Variants in PRDM16 observed in about 807,000 individuals in gnomAD.
PRDM16 encodes histone-lysine N-methyltransferase PRDM16.
In PRDM16, 23 loss-of-function variants were observed where a neutral mutation model predicts 110.6. The observed-to-expected ratio is 0.21, with a 90% CI of 0.15 to 0.29. PRDM16 has a LOEUF of 0.29. PRDM16 is among the 10% of genes least tolerant of loss of function. The probability of loss-of-function intolerance (pLI) is 1.00; values close to 1 mark genes in which losing one functional copy is unlikely to be tolerated. For missense variants in PRDM16, 1,615 were observed against 1,794.3 expected (o/e 0.90, Z 1.81); for synonymous variants, 799 against 781.8 (o/e 1.02, Z -0.37).
chr1:3,192,084 C>T (rs1256760806), intron 2 of PRDM16, among the ~76,000 whole-genome samples: 1 of 152,162 alleles, frequency 6.6e-6, no homozygotes, highest in Non-Finnish European at 1.5e-5. Flanking sequence ...GTCCCTTCTC[C>T]CTTCCTCCTG....
intron 3 of PRDM16, among the ~76,000 whole-genome samples, chr1:3,289,132 C>T (rs140579127): frequency 1.6e-3 from 237 of 152,318 alleles, no homozygotes; most frequent in Non-Finnish European, 2.6e-3. Flanking sequence ...GTCGCCCGGC[C>T]CCTGCTACAG....
intron 3 of PRDM16, among the ~76,000 whole-genome samples, chr1:3,283,896 G>C (rs1303725147): frequency 6.6e-6 from 1 of 152,272 alleles, no homozygotes; most frequent in Non-Finnish European, 1.5e-5. Flanking sequence ...CAGGAGCCCA[G>C]GTGCCTCCGC....
chr1:3,155,693 T>C (rs1643850073), intron 1 of PRDM16, among the ~76,000 whole-genome samples: 1 of 152,222 alleles, frequency 6.6e-6, no homozygotes, highest in Non-Finnish European at 1.5e-5. Flanking sequence ...CTTTGCAAAA[T>C]GTGCTTGCGT....
chr1:3,264,704 G>C (rs1640248168), intron 3 of PRDM16, among the ~76,000 whole-genome samples: 1 of 151,902 alleles, frequency 6.6e-6, no homozygotes, highest in Non-Finnish European at 1.5e-5. Context: ...GGAGGCAGGG[G>C]AGGGGCGTGG....
intron 1 of PRDM16, among the ~76,000 whole-genome samples, chr1:3,172,178 C>A (rs2651936): frequency 1.3e-5 from 2 of 151,982 alleles, no homozygotes; most frequent in Non-Finnish European, 2.9e-5. Context: ...GCAGGGCATA[C>A]GGCTCTGAAC....
chr1:3,239,396 C>G (rs753560086), intron 2 of PRDM16, among the ~76,000 whole-genome samples: 1 of 152,042 alleles, frequency 6.6e-6, no homozygotes, highest in Non-Finnish European at 1.5e-5. Context: ...GAACCCTGAG[C>G]CCCTCGACCC....
At chr1:3,335,926 G>A (rs555524103) in intron 3 of PRDM16, among the ~76,000 whole-genome samples, 8 of 152,294 alleles carry the variant, frequency 5.3e-5, no homozygotes, top group East Asian at 1.9e-4. Context: ...AGCCCTGCTC[G>A]CTCTCTCTGG....
At chr1:3,108,917 T>G (rs1036743744) in intron 1 of PRDM16, among the ~76,000 whole-genome samples, 1 of 144,570 alleles carries the variant, frequency 6.9e-6, no homozygotes, top group African/African-American at 2.5e-5. Context: ...AAAAAAAAAA[T>G]ACAAAAATAC....
intron 1 of PRDM16, among the ~76,000 whole-genome samples, chr1:3,129,290 G>A (rs1643282299): frequency 6.6e-6 from 1 of 150,622 alleles, no homozygotes; most frequent in African/African-American, 2.5e-5. Flanking sequence ...CCTGCCTGGT[G>A]TGTGCGTGTC....
chr1:3,134,725 G>T (rs555721442), intron 1 of PRDM16, among the ~76,000 whole-genome samples: 1 of 152,388 alleles, frequency 6.6e-6, no homozygotes, highest in African/African-American at 2.4e-5. Flanking sequence ...AACTTAAAGC[G>T]ATTAGACAAC....
intron 1 of PRDM16, among the ~76,000 whole-genome samples, chr1:3,090,531 G>A (rs1642253596): frequency 6.6e-6 from 1 of 152,226 alleles, no homozygotes; most frequent in South Asian, 2.1e-4. Context: ...TCACCCAAAT[G>A]GAAGCAAAGA....
intron 3 of PRDM16, among the ~76,000 whole-genome samples, chr1:3,252,424 T>C (rs563487557): frequency 6.6e-6 from 1 of 152,186 alleles, no homozygotes; most frequent in Admixed American, 6.6e-5. Context: ...AGTCCTGCTC[T>C]AGAGCCAGAA....
chr1:3,278,153 T>A (rs1640633061), intron 3 of PRDM16, among the ~76,000 whole-genome samples: 1 of 152,202 alleles, frequency 6.6e-6, no homozygotes, highest in South Asian at 2.1e-4. Flanking sequence ...TAAAGCCCTA[T>A]CATAGCCTGG....
At chr1:3,252,463 T>A (rs918920990) in intron 3 of PRDM16, among the ~76,000 whole-genome samples, 7 of 118,030 alleles carry the variant, frequency 5.9e-5, no homozygotes, top group African/African-American at 1.6e-4. Context: ...GAGGGCCTCA[T>A]GTGCCCAGTG....
intron 1 of PRDM16, among the ~76,000 whole-genome samples, chr1:3,116,241 T>C (rs1346667798): frequency 6.6e-6 from 1 of 152,124 alleles, no homozygotes; most frequent in Non-Finnish European, 1.5e-5. Context: ...CACCCGTGTC[T>C]CTGCAGTGTG....
chr1:3,132,838 C>G (rs1456680315), intron 1 of PRDM16: 4 of 152,272 alleles, frequency 2.6e-5, no homozygotes, highest in Non-Finnish European at 4.4e-5. Flanking sequence ...AAGCCCTCGT[C>G]AGGGTGGCTG....
At position 3,425,633 on chromosome 1, in the gene PRDM16, G is replaced by C. The variant is rs144180800; in HGVS notation, c.2992G>C (p.Val998Leu). Residue 998 changes from valine to leucine, a missense_variant, in exon 13 of 17, where the codon GTC (valine) becomes CTC (leucine). By Grantham distance (32) the Val-to-Leu change is conservative. Around this residue, in one of 5 missense-constraint regions of PRDM16, gnomAD observed 18 missense variants for 75.2 expected, o/e 0.24. Transcript: ENST00000270722. The surrounding 1 kb of genome is among the most constrained non-coding windows in gnomAD (Gnocchi z 6.9). ...CATCTCTTCGAACCTCCAGCGGCACGTCCGGAACATCCACAACAAGGAGAA... is the reference window on the plus strand; with the variant it reads ...CATCTCTTCGAACCTCCAGCGGCACCTCCGGAACATCCACAACAAGGAGAA... ...FSISSNLQRHVRNIHNKEKPF... is the reference protein window; with the variant it reads ...FSISSNLQRHLRNIHNKEKPF... 6.2e-7 allele frequency: 1 copy of C among 1,613,946 alleles called. No individual in the cohort carries two copies. Among genetic ancestry groups the C allele is most frequent in the Non-Finnish European group, 8.5e-7 (1 of 1,179,950 alleles).
At chr1:3,268,120 G>A (rs1296214692) in intron 3 of PRDM16, among the ~76,000 whole-genome samples, 3 of 152,200 alleles carry the variant, frequency 2.0e-5, no homozygotes, top group South Asian at 2.1e-4. Context: ...GGGAGCGTAC[G>A]GTGAGCAGGT....
In PRDM16 at chr1:3,350,648, C is replaced by G. The variant is rs1446581343; in HGVS notation, c.439-34504C>G. Among the ~76,000 whole-genome samples the G allele has an allele frequency of 6.6e-6, 1 of 152,092 alleles. No homozygotes were observed. The highest frequency in any genetic ancestry group is 1.5e-5 in the Non-Finnish European group (1 of 68,006). ...GCCAGGGCTCGGGCACAGCTTGGCT[C>G]CATGCAGGGCCCTGGGAGCACCCAG... On this transcript the variant is annotated intron_variant, in intron 3 of 16. Coordinates refer to ENST00000270722, the MANE Select transcript of PRDM16 (RefSeq NM_022114.4). The surrounding 1 kb of genome is among the most constrained non-coding windows in gnomAD (Gnocchi z 7.1).
Sources: allele counts gnomAD v4.1 joint callset (sites outside exome capture counted in the v4.1 genomes callset), GRCh38; gene constraint gnomAD v4.1.1; regional missense constraint gnomAD v4.1.1; non-coding constraint Gnocchi (gnomAD v3.1); transcripts MANE v1.5; gene names NCBI Gene and HGNC (gene_info 2026-07-23, HGNC 2026-07-21).